MFN1: variants seen among roughly 807,000 people sequenced by gnomAD.
The protein encoded by MFN1 is mitofusin 1.
A neutral mutation model predicts 92.4 loss-of-function variants in MFN1; 65 were observed. The observed-to-expected ratio is 0.70, with a 90% CI of 0.58 to 0.86. MFN1 has a LOEUF of 0.86. Ranked by LOEUF, MFN1 falls within the 40% of genes least tolerant of loss-of-function variation. MFN1 has a pLI of 0.00. For synonymous variants in MFN1, 297 were observed against 300.9 expected (o/e 0.99, Z 0.13); for missense variants, 781 against 868.0 (o/e 0.90, Z 1.26).
chr3:179,385,438 A>G (rs1415608745), intron 14 of MFN1, 131 bp from the exon 15 acceptor site: 4 of 654,818 alleles, frequency 6.1e-6, no homozygotes, highest in Non-Finnish European at 9.8e-6. Flanking sequence ...TTCTACATAT[A>G]TTTGTGGTGT....
chr3:179,352,449 A>T (rs1712185152), intron 3 of MFN1, among the ~76,000 whole-genome samples: 1 of 152,184 alleles, frequency 6.6e-6, no homozygotes, highest in African/African-American at 2.4e-5. Context: ...ATTTCCAAGG[A>T]CTTTCTAGAA....
At position 179,393,411 on chromosome 3, in the gene MFN1, T is replaced by G. The variant is rs1316697987; in HGVS notation, c.*1352T>G. The G allele has an allele frequency of 6.6e-6, 1 of 152,098 alleles. No homozygotes were observed. The highest frequency in any genetic ancestry group is 1.5e-5 in the Non-Finnish European group (1 of 68,014). 9.4% of individuals were successfully genotyped at this position (152,098 alleles called of 1,614,324 possible). A position where few individuals can be genotyped will look rare whatever the true frequency, so the allele number is the denominator to read the frequency against. On this transcript the variant is annotated 3_prime_UTR_variant, in exon 18 of 18. Transcript: ENST00000471841. ...TTCCTTTTCATGGGAGGGATAAAAT[T>G]TAAAGCTTTTTTTTTCTTTGAATAC...
chr3:179,355,857 C>T (rs1041183335), intron 3 of MFN1, among the ~76,000 whole-genome samples: 11 of 152,002 alleles, frequency 7.2e-5, no homozygotes, highest in African/African-American at 1.9e-4. Context: ...GAGGCCTTGG[C>T]AGGAGAATCA....
At position 179,352,170 on chromosome 3, in the gene MFN1, C is replaced by T. The variant is rs971981304; in HGVS notation, c.248+135C>T. On this transcript the variant is annotated intron_variant, in intron 3 of 17. Coordinates refer to ENST00000471841, the MANE Select transcript of MFN1 (RefSeq NM_033540.3). Reference sequence around the variant, plus strand: ...CTGTGTTGAATGTTAAAGCTGTTAGCATGTGAAAGAATTTGTGCATTTTAC... The same window carrying T: ...CTGTGTTGAATGTTAAAGCTGTTAGTATGTGAAAGAATTTGTGCATTTTAC... 5.9e-6 allele frequency: 5 copies of T among 853,824 alleles called. No individual in the cohort carries two copies. The African/African-American group carries it at 8.4e-5, about 14-fold the overall frequency. 52.9% of individuals were successfully genotyped at this position (853,824 alleles called of 1,614,324 possible). A position where few individuals can be genotyped will look rare whatever the true frequency, so the allele number is the denominator to read the frequency against.
intron 10 of MFN1, 134 bp from the exon 11 acceptor site, chr3:179,376,908 C>G (rs1713260581): frequency 4.1e-6 from 3 of 739,436 alleles, no homozygotes; most frequent in South Asian, 5.6e-5. Flanking sequence ...TACTTGAATC[C>G]TTTGAGATGT....
chr3:179,390,640 A>C (rs1713863713), intron 17 of MFN1, among the ~76,000 whole-genome samples: 1 of 152,202 alleles, frequency 6.6e-6, no homozygotes, highest in Non-Finnish European at 1.5e-5. Context: ...TTTGGGGACA[A>C]GACTGAAAGT....
At chr3:179,361,538 CT>C (rs1361600014) in intron 4 of MFN1, among the ~76,000 whole-genome samples, 282 of 143,210 alleles carry the variant, frequency 2.0e-3, no homozygotes, top group Middle Eastern at 3.6e-3. Flanking sequence ...TTATCTCTCA[CT>C]TTTTTTTTTT....
At position 179,364,543 on chromosome 3, in the gene MFN1, T is replaced by G. The variant is rs1213632312; in HGVS notation, c.645+138T>G. The stretch of plus-strand genomic sequence containing the variant: ...CAGGCATGAATGAAGGGGTTTGTGT[T>G]TTCATAGAACCAGAAGGGCTGTTTC... On this transcript the variant is annotated intron_variant, in intron 6 of 17. Coordinates refer to ENST00000471841, the MANE Select transcript of MFN1 (RefSeq NM_033540.3). 7 of 656,474 alleles carry G rather than the reference T, an allele frequency of 1.1e-5. No individual in the cohort carries two copies. The East Asian group carries it at 1.4e-4, about 13-fold the overall frequency. The allele number at this position is 656,474 out of a possible 1,614,324, so 40.7% of individuals were successfully genotyped here. A position where few individuals can be genotyped will look rare whatever the true frequency, so the allele number is the denominator to read the frequency against.
rs772062147 is a variant in MFN1, at chr3:179,358,829, A to T, written c.249-11A>T. 1.2e-6 allele frequency: 2 copies of T among 1,602,808 alleles called. No homozygotes were observed. Among genetic ancestry groups the T allele is most frequent in the African/African-American group, 2.7e-5 (2 of 74,542 alleles). On this transcript the variant is annotated splice_polypyrimidine_tract_variant and intron_variant, in intron 3 of 17. Transcript: ENST00000471841. ...TATGTTTTGTTTTTCATGATTTTGTATATTCTTCAGGACAAGCAGTGGGAA... is the reference window on the plus strand; with the variant it reads ...TATGTTTTGTTTTTCATGATTTTGTTTATTCTTCAGGACAAGCAGTGGGAA...
At chr3:179,349,844 C>T (rs1712073525) in intron 2 of MFN1, among the ~76,000 whole-genome samples, 2 of 150,638 alleles carry the variant, frequency 1.3e-5, no homozygotes, top group Admixed American at 6.6e-5. Flanking sequence ...GAAATTTTTT[C>T]TGGTTCTTAA....
chr3:179,367,375 A>G (rs1334492957), intron 7 of MFN1, 64 bp from the exon 8 acceptor site: 43 of 1,412,108 alleles, frequency 3.0e-5, no homozygotes, highest in Non-Finnish European at 3.7e-5. Flanking sequence ...GTATTGGTCT[A>G]TAGTCGTTGG....
intron 4 of MFN1, among the ~76,000 whole-genome samples, chr3:179,361,903 G>T (rs536927905): frequency 2.0e-5 from 3 of 152,170 alleles, no homozygotes; most frequent in African/African-American, 7.2e-5. Context: ...ATTGACTTAG[G>T]ATAATGGCCT....
At chr3:179,387,335 C>T (rs930537490) in intron 16 of MFN1, among the ~76,000 whole-genome samples, 3 of 151,994 alleles carry the variant, frequency 2.0e-5, no homozygotes, top group Non-Finnish European at 4.4e-5. Context: ...CACTTGAGGT[C>T]GGGAGTTCGA....
intron 12 of MFN1, 159 bp from the exon 13 acceptor site, chr3:179,378,182 G>C (rs1214801357): frequency 3.2e-6 from 2 of 615,626 alleles, no homozygotes; most frequent in African/African-American, 3.9e-5. Context: ...CAAGATCAAA[G>C]CACTCCAGCC....
intron 2 of MFN1, among the ~76,000 whole-genome samples, chr3:179,349,813 C>T (rs1560188128): frequency 6.6e-6 from 1 of 151,430 alleles, no homozygotes; most frequent in East Asian, 2.0e-4. Context: ...GGCCAGGAAT[C>T]CTTCTTTGGA....
chr3:179,359,926 TTA>T (rs1712507021), intron 4 of MFN1: 1 of 152,094 alleles, frequency 6.6e-6, no homozygotes, highest in Non-Finnish European at 1.5e-5. Context: ...TTTTAGTTAT[TTA>T]TTTGTTTTTA....
chr3:179,359,117 T>A, intron 4 of MFN1, 115 bp downstream of exon 4: 1 of 1,229,314 alleles, frequency 8.1e-7, no homozygotes, highest in Non-Finnish European at 1.1e-6. Context: ...AAAGAACTGT[T>A]AATATTTTTC....
Position 179,393,105 on chromosome 3 carries a change from TTTCAG to T in MFN1, c.*1049_*1053del, listed in dbSNP as rs1462746629. 6.6e-6 allele frequency: 1 copy of T among 152,192 alleles called. No individual in the cohort carries two copies. 9.4% of individuals were successfully genotyped at this position (152,192 alleles called of 1,614,324 possible). ...AGTTTTGCCTCCATTTGCACATTCATTTCAGTTATTTCTGATCCATAAATATAACA... is the reference window on the plus strand; with the variant it reads ...AGTTTTGCCTCCATTTGCACATTCATTTATTTCTGATCCATAAATATAACA... On this transcript the variant is annotated 3_prime_UTR_variant, in exon 18 of 18. Coordinates refer to ENST00000471841, the MANE Select transcript of MFN1 (RefSeq NM_033540.3).
At chr3:179,382,306 G>A (rs1166860077) in intron 14 of MFN1, among the ~76,000 whole-genome samples, 2 of 152,128 alleles carry the variant, frequency 1.3e-5, no homozygotes, top group Non-Finnish European at 2.9e-5. Flanking sequence ...CCACCTATGA[G>A]TGAGAACATG....
Sources: gnomAD v4.1 joint callset for allele counts (sites outside exome capture counted in the v4.1 genomes callset) on GRCh38, gnomAD v4.1.1 for gene constraint, MANE v1.5 for transcripts, NCBI Gene and HGNC (gene_info 2026-07-23, HGNC 2026-07-21) for gene names.